Variants in MMP16 observed in about 807,000 individuals in gnomAD.
MMP16 encodes the protein matrix metallopeptidase 16, also known as matrix metalloproteinase-16.
A neutral mutation model predicts 67.8 loss-of-function variants in MMP16; 12 were observed. The ratio of observed to expected loss-of-function variants is 0.18; its 90% CI spans 0.11 to 0.29. MMP16 has a LOEUF of 0.29. MMP16 is among the 10% of genes least tolerant of loss of function. The pLI is 1.00. For missense variants in MMP16, 475 were observed against 765.7 expected, an observed-to-expected ratio of 0.62 and a Z score of 4.48; for synonymous variants, 249 against 255.9, an observed-to-expected ratio of 0.97 and a Z score of 0.26.
intron 6 of MMP16, among the ~76,000 whole-genome samples, chr8:88,113,518 A>C (rs1193162560): frequency 6.6e-6 from 1 of 151,930 alleles, no homozygotes; most frequent in Non-Finnish European, 1.5e-5. Context: ...GTCAATAAGG[A>C]GCAAAATATG....
At chr8:88,135,730 T>C (rs1226556826) in intron 4 of MMP16, among the ~76,000 whole-genome samples, 2 of 151,886 alleles carry the variant, frequency 1.3e-5, no homozygotes, top group Non-Finnish European at 2.9e-5. Flanking sequence ...AAATCCAGGA[T>C]AATACCAGGT....
At chr8:88,146,739 T>C (rs924824039) in intron 4 of MMP16, among the ~76,000 whole-genome samples, 2 of 152,032 alleles carry the variant, frequency 1.3e-5, no homozygotes, top group South Asian at 4.1e-4. Context: ...CTGGTATATA[T>C]GTACTAACGT....
At chr8:88,129,005 G>C (rs1311472176) in intron 4 of MMP16, among the ~76,000 whole-genome samples, 1 of 151,770 alleles carries the variant, frequency 6.6e-6, no homozygotes, top group East Asian at 1.9e-4. Flanking sequence ...CCAATATCAA[G>C]GAAGTAGCAA....
At chr8:88,294,746 G>A (rs996980466) in intron 1 of MMP16, among the ~76,000 whole-genome samples, 3 of 151,992 alleles carry the variant, frequency 2.0e-5, no homozygotes, top group South Asian at 2.1e-4. Context: ...GTGGAGTCTC[G>A]CTCTGTCGCC....
Position 88,065,465 on chromosome 8 carries a change from A to G in MMP16, c.1222+9140T>C, listed in dbSNP as rs945349435. Reference sequence around the variant, plus strand: ...AACATTTGGACCTATGTTTTAGATGATCATTTCAACATAAAATATTAATAC... The same window carrying G: ...AACATTTGGACCTATGTTTTAGATGGTCATTTCAACATAAAATATTAATAC... On this transcript the variant is annotated intron_variant, in intron 7 of 9. Transcript: ENST00000286614. Among the ~76,000 whole-genome samples the G allele has an allele frequency of 2.0e-5, 3 of 152,092 alleles. No homozygotes were observed. The East Asian group carries it at 5.8e-4, about 29-fold the overall frequency.
chr8:88,124,182 T>G (rs1807888109), intron 4 of MMP16, among the ~76,000 whole-genome samples: 1 of 151,986 alleles, frequency 6.6e-6, no homozygotes, highest in Non-Finnish European at 1.5e-5. Flanking sequence ...CTTTGAAGTC[T>G]TTTGTTGTAC....
rs780764513 is a variant in MMP16 at position 88,156,284 on chromosome 8, G to C, written c.709+11385C>G. ...GTCTTAGGTCAATTCCCATTGCTCA[G>C]GACACATGCATCTGGTACGTACAGC... On this transcript the variant is annotated intron_variant, in intron 4 of 9. Transcript: ENST00000286614. Among the ~76,000 whole-genome samples the C allele has an allele frequency of 1.0e-3, 156 of 151,984 alleles. 1 individual carries two copies. The highest frequency in any genetic ancestry group is 1.7e-3 in the Non-Finnish European group (113 of 68,014).
chr8:88,326,874 G>T, intron 1 of MMP16: 1 of 550,684 alleles, frequency 1.8e-6, no homozygotes. Context: ...GCTTTGTGCT[G>T]CCGGGGATAA....
rs1057140038 is a variant in MMP16 at position 88,156,356 on chromosome 8, T to C, written c.709+11313A>G. Among the ~76,000 whole-genome samples, 9 of 152,120 alleles carry C rather than the reference T, an allele frequency of 5.9e-5. No individual in the cohort carries two copies. In the East Asian group the frequency reaches 1.2e-3, roughly 20 times the overall value. On this transcript the variant is annotated intron_variant, in intron 4 of 9. Transcript: ENST00000286614. ...CTTCCTTATGCCCACAGTCTTCTTT[T>C]CTGATGCATTAAATCAATGGCAAAG...
chr8:88,079,341 T>G (rs757850628), intron 6 of MMP16, among the ~76,000 whole-genome samples: 1 of 152,162 alleles, frequency 6.6e-6, no homozygotes, highest in Non-Finnish European at 1.5e-5. Flanking sequence ...TCACAGTATA[T>G]TGTTGTAATT....
intron 1 of MMP16, among the ~76,000 whole-genome samples, chr8:88,238,269 T>C (rs952133912): frequency 1.3e-5 from 2 of 152,114 alleles, no homozygotes; most frequent in African/African-American, 4.8e-5. Context: ...TCCCAGCATG[T>C]TGGGAAGCCG....
chr8:88,199,394 C>G (rs1168597287), intron 1 of MMP16, among the ~76,000 whole-genome samples: 1 of 151,848 alleles, frequency 6.6e-6, no homozygotes, highest in African/African-American at 2.4e-5. Flanking sequence ...AAAGGGAGTT[C>G]TTTCTGAATG....
intron 1 of MMP16, among the ~76,000 whole-genome samples, chr8:88,267,749 T>G (rs548292377): frequency 6.6e-6 from 1 of 152,356 alleles, no homozygotes; most frequent in Non-Finnish European, 1.5e-5. Flanking sequence ...ATAGTCAGCA[T>G]AGTCAAATTT....
intron 4 of MMP16, among the ~76,000 whole-genome samples, chr8:88,153,498 G>C (rs1390192014): frequency 1.3e-5 from 2 of 152,068 alleles, no homozygotes; most frequent in Non-Finnish European, 2.9e-5. Flanking sequence ...AAACAGCATG[G>C]TACTGGTACC....
intron 1 of MMP16, among the ~76,000 whole-genome samples, chr8:88,200,886 C>G (rs993562876): frequency 4.6e-5 from 7 of 151,686 alleles, no homozygotes; most frequent in African/African-American, 1.7e-4. Context: ...CAAATCTAAG[C>G]AGTAATTTTT....
At chr8:88,305,999 G>T in intron 1 of MMP16, among the ~76,000 whole-genome samples, 1 of 150,324 alleles carries the variant, frequency 6.7e-6, no homozygotes, top group African/African-American at 2.4e-5. Context: ...AACCCAGGAG[G>T]TGTTTTTTTT....
intron 4 of MMP16, 36 bp from the exon 5 acceptor site, chr8:88,118,897 A>C: frequency 6.3e-7 from 1 of 1,583,578 alleles, no homozygotes; most frequent in Non-Finnish European, 8.6e-7. Context: ...TTTTGTAACT[A>C]ATATCCAAAT....
intron 1 of MMP16, among the ~76,000 whole-genome samples, chr8:88,250,430 A>T (rs1052363397): frequency 4.6e-5 from 7 of 152,134 alleles, no homozygotes; most frequent in African/African-American, 1.7e-4. Context: ...GAAAATTTTA[A>T]ATGTGAGACT....
intron 6 of MMP16, among the ~76,000 whole-genome samples, chr8:88,102,077 C>G (rs1348091085): frequency 6.6e-6 from 1 of 151,878 alleles, no homozygotes; most frequent in Non-Finnish European, 1.5e-5. Flanking sequence ...ACACAACAGT[C>G]AACATGGACT....
Sources: allele counts gnomAD v4.1 joint callset (sites outside exome capture counted in the v4.1 genomes callset), GRCh38; gene constraint gnomAD v4.1.1; transcripts MANE v1.5; gene names NCBI Gene and HGNC (gene_info 2026-07-23, HGNC 2026-07-21).